The following EXOC6B variants were observed in gnomAD, a reference collection of about 807,000 sequenced individuals.
EXOC6B encodes SEC15 homolog B.
A neutral mutation model predicts 113.5 loss-of-function variants in EXOC6B; 54 were observed. That is an observed-to-expected ratio of 0.48 (90% CI 0.38 to 0.60). The LOEUF (loss-of-function observed/expected upper bound fraction) is 0.60. EXOC6B is among the 20% of genes least tolerant of loss of function. EXOC6B has a pLI of 0.00. For missense variants in EXOC6B, 797 were observed against 977.5 expected, an observed-to-expected ratio of 0.82 and a Z score of 2.46; for synonymous variants, 357 against 339.0, an observed-to-expected ratio of 1.05 and a Z score of -0.58.
At chr2:72,605,553 T>C (rs1234556215) in intron 6 of EXOC6B, among the ~76,000 whole-genome samples, 1 of 152,212 alleles carries the variant, frequency 6.6e-6, no homozygotes, top group Non-Finnish European at 1.5e-5. Context: ...CAAATTATTA[T>C]CTTTGCATTT....
intron 1 of EXOC6B, among the ~76,000 whole-genome samples, chr2:72,805,176 A>C (rs1403431130): frequency 1.3e-5 from 2 of 152,212 alleles, no homozygotes; most frequent in Non-Finnish European, 2.9e-5. Flanking sequence ...AGCAGCAAAA[A>C]CAAAACTCCT....
At chr2:72,804,761 A>G (rs978167546) in intron 1 of EXOC6B, among the ~76,000 whole-genome samples, 4 of 151,806 alleles carry the variant, frequency 2.6e-5, no homozygotes, top group African/African-American at 9.7e-5. Context: ...ACGCCCAGCT[A>G]ATTTTTTTGT....
At position 72,664,013 on chromosome 2, in the gene EXOC6B, TA is replaced by T. The variant is rs1177386725; in HGVS notation, c.669+54089del. Among the ~76,000 whole-genome samples the T allele has an allele frequency of 6.6e-5, 10 of 152,166 alleles. No homozygotes were observed. The East Asian group carries it at 1.5e-3, about 24-fold the overall frequency. On this transcript the variant is annotated intron_variant, in intron 6 of 21. Transcript: ENST00000272427. ...CTTTTCTGTAAACCTAAAACCATCC[TA>T]AAAAATAAAGTCAACCAGGAATGGT...
At chr2:72,739,184 G>C (rs1681149942) in intron 2 of EXOC6B, among the ~76,000 whole-genome samples, 1 of 152,080 alleles carries the variant, frequency 6.6e-6, no homozygotes, top group African/African-American at 2.4e-5. Flanking sequence ...ACACTTTCAA[G>C]TTTTACCTAT....
chr2:72,600,085 A>G (rs1338081941), intron 6 of EXOC6B, among the ~76,000 whole-genome samples: 1 of 152,180 alleles, frequency 6.6e-6, no homozygotes, highest in Non-Finnish European at 1.5e-5. Context: ...AGAATAGCCA[A>G]CATAATACTA....
intron 1 of EXOC6B, among the ~76,000 whole-genome samples, chr2:72,786,755 C>G (rs1421958976): frequency 6.6e-6 from 1 of 152,168 alleles, no homozygotes; most frequent in Non-Finnish European, 1.5e-5. Flanking sequence ...CCATGTCTGT[C>G]TTATTTACTG....
intron 1 of EXOC6B, among the ~76,000 whole-genome samples, chr2:72,798,144 T>G (rs1360518037): frequency 1.3e-5 from 2 of 152,190 alleles, no homozygotes; most frequent in African/African-American, 4.8e-5. Flanking sequence ...ATTTAAGAAA[T>G]GTTTATAAAC....
chr2:72,729,388 T>C (rs1680499633), intron 5 of EXOC6B, among the ~76,000 whole-genome samples: 1 of 151,280 alleles, frequency 6.6e-6, no homozygotes. Context: ...TATCTGTTAA[T>C]TCTGAGAAGT....
chr2:72,343,451 C>T (rs1689150814), intron 19 of EXOC6B, among the ~76,000 whole-genome samples: 1 of 152,054 alleles, frequency 6.6e-6, no homozygotes, highest in Admixed American at 6.6e-5. Flanking sequence ...AAAGAAGTTG[C>T]CAACCACTGT....
At chr2:72,458,327 T>A (rs1477568398) in intron 18 of EXOC6B, among the ~76,000 whole-genome samples, 1 of 152,176 alleles carries the variant, frequency 6.6e-6, no homozygotes, top group Non-Finnish European at 1.5e-5. Context: ...AATACAGGGT[T>A]CCATGAGGAA....
intron 20 of EXOC6B, among the ~76,000 whole-genome samples, chr2:72,258,361 C>CTTTTTTTTTTTTT (rs967346322): frequency 8.0e-6 from 1 of 124,838 alleles, no homozygotes; most frequent in African/African-American, 3.0e-5. Flanking sequence ...TTATCTTTTT[C>CTTTTTTTTTTTTT]TTTTTTTTTT....
At chr2:72,752,524 CT>C (rs1682121642) in intron 1 of EXOC6B, among the ~76,000 whole-genome samples, 1 of 151,070 alleles carries the variant, frequency 6.6e-6, no homozygotes. Context: ...TTCTGGCATC[CT>C]TTCCCTTCCC....
chr2:72,556,660 C>T (rs1703560798), intron 8 of EXOC6B, among the ~76,000 whole-genome samples: 2 of 150,792 alleles, frequency 1.3e-5, no homozygotes, highest in African/African-American at 4.9e-5. Context: ...AATGATGAAC[C>T]TAAGATGGGT....
At chr2:72,265,237 C>T (rs1256801339) in intron 20 of EXOC6B, among the ~76,000 whole-genome samples, 1 of 124,348 alleles carries the variant, frequency 8.0e-6, no homozygotes, top group East Asian at 2.0e-4. Context: ...CTTAACTATT[C>T]TTTTATTATT....
intron 18 of EXOC6B, among the ~76,000 whole-genome samples, chr2:72,392,399 T>C (rs1041567214): frequency 2.0e-5 from 3 of 152,236 alleles, no homozygotes; most frequent in African/African-American, 4.8e-5. Flanking sequence ...CCAGTGAGGA[T>C]TGAACCCCAG....
chr2:72,740,898 C>A (rs772650620), intron 2 of EXOC6B, among the ~76,000 whole-genome samples: 3 of 152,022 alleles, frequency 2.0e-5, no homozygotes, highest in African/African-American at 7.2e-5. Flanking sequence ...GTCAGGAGAT[C>A]GAGACCATCC....
chr2:72,247,097 A>G (rs909455363), intron 20 of EXOC6B, among the ~76,000 whole-genome samples: 1 of 152,240 alleles, frequency 6.6e-6, no homozygotes, highest in Non-Finnish European at 1.5e-5. Context: ...CTAGAAATGC[A>G]GAAGATAGGA....
At chr2:72,606,412 CATTT>C (rs1288600511) in intron 6 of EXOC6B, among the ~76,000 whole-genome samples, 1 of 151,790 alleles carries the variant, frequency 6.6e-6, no homozygotes, top group Non-Finnish European at 1.5e-5. Context: ...TTATACTCTT[CATTT>C]ATATTAGTAC....
chr2:72,274,185 A>C (rs1192796636), intron 20 of EXOC6B, among the ~76,000 whole-genome samples: 1 of 152,174 alleles, frequency 6.6e-6, no homozygotes, highest in Non-Finnish European at 1.5e-5. Context: ...AAATCAGAGA[A>C]ATAAAATTAC....
Sources: gnomAD v4.1 joint callset for allele counts (sites outside exome capture counted in the v4.1 genomes callset) on GRCh38, gnomAD v4.1.1 for gene constraint, MANE v1.5 for transcripts, NCBI Gene and HGNC (gene_info 2026-07-23, HGNC 2026-07-21) for gene names.